Variants in DCAF8L2 observed in about 807,000 individuals in gnomAD.
The protein encoded by DCAF8L2 is DDB1 and CUL4 associated factor 8 like 2, also known as DDB1- and CUL4-associated factor 8-like protein 2.
For missense variants in DCAF8L2, 430 were observed against 490.7 expected (o/e 0.88, Z 1.17); for synonymous variants, 200 against 190.9 (o/e 1.05, Z -0.39).
intron 1 of DCAF8L2, among the ~76,000 whole-genome samples, chrX:27,607,696 A>G (rs751079534): frequency 3.6e-5 from 4 of 112,286 alleles, no homozygotes; most frequent in East Asian, 5.6e-4. Context: ...TTTCACAAAT[A>G]ACCATGATTT....
At chrX:27,509,953 TTTTC>T in the DCAF8L2 span, among the ~76,000 whole-genome samples, 3 of 111,457 alleles carry the variant, frequency 2.7e-5, no homozygotes, top group African/African-American at 9.8e-5. Context: ...TAAGAGGCAC[TTTTC>T]TTTCTTTTAA....
chrX:27,646,237 T>C (rs1305183380), intron 2 of DCAF8L2, among the ~76,000 whole-genome samples: 3 of 110,870 alleles, frequency 2.7e-5, no homozygotes, highest in African/African-American at 6.6e-5. Context: ...TAGAACAGAA[T>C]AGAGAATCCA....
chrX:27,690,664 T>C (rs888301632), intron 3 of DCAF8L2, among the ~76,000 whole-genome samples: 3 of 110,984 alleles, frequency 2.7e-5, no homozygotes, highest in Non-Finnish European at 3.8e-5. Flanking sequence ...CAGATCGTTA[T>C]AATGGCTTAC....
chrX:27,475,311 TTA>T, the DCAF8L2 span, among the ~76,000 whole-genome samples: 1 of 112,197 alleles, frequency 8.9e-6, no homozygotes, highest in East Asian at 2.8e-4. Context: ...TATAATTTTT[TTA>T]GTTACTAATT....
intron 2 of DCAF8L2, among the ~76,000 whole-genome samples, chrX:27,654,675 T>C (rs1398709975): frequency 2.7e-5 from 3 of 111,788 alleles, no homozygotes; most frequent in African/African-American, 9.7e-5. Flanking sequence ...TATTGTATTG[T>C]GACTTTTTTC....
chrX:27,585,062 T>C, the DCAF8L2 span, among the ~76,000 whole-genome samples: 46,279 of 104,270 alleles, frequency 0.44, 8,728 homozygotes, highest in South Asian at 0.68. Context: ...GTTTTTTTTT[T>C]CAATTATTTG....
intron 3 of DCAF8L2, among the ~76,000 whole-genome samples, chrX:27,686,085 T>C (rs1329009835): frequency 9.0e-6 from 1 of 110,703 alleles, no homozygotes; most frequent in Non-Finnish European, 1.9e-5. Context: ...AAAAACAAAA[T>C]AGATGCTGGT....
chrX:27,573,048 G>C, the DCAF8L2 span, among the ~76,000 whole-genome samples: 1 of 109,570 alleles, frequency 9.1e-6, no homozygotes, highest in Non-Finnish European at 1.9e-5. Context: ...AAAAGATTTG[G>C]TTCCTATGGA....
At chrX:27,504,123 A>G in the DCAF8L2 span, among the ~76,000 whole-genome samples, 404 of 112,245 alleles carry the variant, frequency 3.6e-3, 1 homozygote, top group African/African-American at 0.012. Context: ...GGAAACACAT[A>G]TAAATCAAAT....
chrX:27,541,343 TTTTATTTATTTA>T, the DCAF8L2 span, among the ~76,000 whole-genome samples: 293 of 94,084 alleles, frequency 3.1e-3, 1 homozygote, highest in African/African-American at 7.9e-3. Context: ...TTATTTTTTA[TTTTATTTATTTA>T]TTTATTTATT....
At chrX:27,685,096 T>C (rs1930457209) in intron 3 of DCAF8L2, among the ~76,000 whole-genome samples, 1 of 111,802 alleles carries the variant, frequency 8.9e-6, no homozygotes, top group South Asian at 3.7e-4. Context: ...TTAGACTCCA[T>C]GGTATATCCC....
At chrX:27,471,986 C>T in the DCAF8L2 span, among the ~76,000 whole-genome samples, 8 of 111,096 alleles carry the variant, frequency 7.2e-5, no homozygotes, top group Admixed American at 2.9e-4. Context: ...TTTTTTTTCA[C>T]GTTCTTTCCT....
the DCAF8L2 span, among the ~76,000 whole-genome samples, chrX:27,565,518 G>T: frequency 8.9e-6 from 1 of 111,858 alleles, no homozygotes; most frequent in African/African-American, 3.3e-5. Context: ...TAGTTTTCTT[G>T]TAGTGTCTTT....
At chrX:27,479,509 A>G in the DCAF8L2 span, among the ~76,000 whole-genome samples, 4 of 111,797 alleles carry the variant, frequency 3.6e-5, no homozygotes, top group Non-Finnish European at 7.5e-5. Context: ...CTTCACTACT[A>G]TATGCATTTT....
chrX:27,531,325 A>G, the DCAF8L2 span, among the ~76,000 whole-genome samples: 1 of 111,287 alleles, frequency 9.0e-6, no homozygotes, highest in Non-Finnish European at 1.9e-5. Flanking sequence ...CTTATTCACT[A>G]TCATGAGAAC....
the DCAF8L2 span, among the ~76,000 whole-genome samples, chrX:27,536,811 C>A: frequency 9.0e-6 from 1 of 111,615 alleles, no homozygotes; most frequent in East Asian, 2.8e-4. Context: ...GGTGCACAGG[C>A]GGGTCAGAGA....
the DCAF8L2 span, among the ~76,000 whole-genome samples, chrX:27,483,889 A>G: frequency 4.5e-5 from 5 of 111,076 alleles, no homozygotes; most frequent in African/African-American, 1.6e-4. Flanking sequence ...TCATGGATTT[A>G]GAAGCTCTGT....
the DCAF8L2 span, among the ~76,000 whole-genome samples, chrX:27,477,450 G>A: frequency 1.8e-5 from 2 of 110,729 alleles, no homozygotes; most frequent in African/African-American, 6.6e-5. Context: ...ACCACGCCCA[G>A]CTAATTTTTT....
chrX:27,517,215 T>A, the DCAF8L2 span, among the ~76,000 whole-genome samples: 2 of 111,860 alleles, frequency 1.8e-5, no homozygotes, highest in Non-Finnish European at 3.8e-5. Context: ...CATAAACATA[T>A]TCTACATAAT....
Sources: allele counts gnomAD v4.1 joint callset (sites outside exome capture counted in the v4.1 genomes callset), GRCh38; gene constraint gnomAD v4.1.1; transcripts MANE v1.5; gene names NCBI Gene and HGNC (gene_info 2026-07-23, HGNC 2026-07-21).